SMCO2: variants seen among roughly 807,000 people sequenced by gnomAD.
The protein encoded by SMCO2 is single-pass membrane protein with coiled-coil domains 2.
A neutral mutation model predicts 29.5 loss-of-function variants in SMCO2; 25 were observed. The observed-to-expected ratio is 0.85, with a 90% CI of 0.62 to 1.18. The LOEUF (loss-of-function observed/expected upper bound fraction) is 1.18. SMCO2 is among the 50% of genes most tolerant of loss of function. SMCO2 has a pLI of 0.00. For synonymous variants in SMCO2, 117 were observed against 123.3 expected, an observed-to-expected ratio of 0.95 and a Z score of 0.34; for missense variants, 348 against 344.5, an observed-to-expected ratio of 1.01 and a Z score of -0.08.
the SMCO2 span, chr12:27,424,199 G>T: frequency 9.9e-5 from 15 of 151,982 alleles, no homozygotes; most frequent in Non-Finnish European, 2.2e-4. Flanking sequence ...TATATTAAGT[G>T]GTTATTATTG....
the SMCO2 span, among the ~76,000 whole-genome samples, chr12:27,455,242 T>A: frequency 2.6e-5 from 4 of 152,196 alleles, no homozygotes; most frequent in Admixed American, 2.0e-4. Flanking sequence ...CCAAGTAGCA[T>A]CTATCTATCA....
chr12:27,468,656 G>T (rs306641), intron 1 of SMCO2, among the ~76,000 whole-genome samples: 1 of 152,136 alleles, frequency 6.6e-6, no homozygotes, highest in Non-Finnish European at 1.5e-5. Context: ...ATCAACACAG[G>T]AAGTTCTATT....
chr12:27,464,884 C>CCGGGCGTGGTGG (rs1264903363), upstream of SMCO2, among the ~76,000 whole-genome samples: 1 of 151,080 alleles, frequency 6.6e-6, no homozygotes. Flanking sequence ...AAAAAATTAG[C>CCGGGCGTGGTGG]CGGGCATGGT....
intron 1 of SMCO2, among the ~76,000 whole-genome samples, chr12:27,470,107 T>TATTTCTAA (rs1949528744): frequency 6.6e-6 from 1 of 152,190 alleles, no homozygotes; most frequent in Non-Finnish European, 1.5e-5. Flanking sequence ...ATAACCTAGT[T>TATTTCTAA]GTCAACAATG....
chr12:27,484,990 G>A (rs1949676855), intron 4 of SMCO2, among the ~76,000 whole-genome samples: 1 of 149,544 alleles, frequency 6.7e-6, no homozygotes, highest in African/African-American at 2.4e-5. Flanking sequence ...CAAGTTTGTA[G>A]TTTAAATTTG....
chr12:27,468,171 T>G (rs1291487361), intron 1 of SMCO2, among the ~76,000 whole-genome samples: 1 of 151,308 alleles, frequency 6.6e-6, no homozygotes, highest in Admixed American at 6.6e-5. Context: ...TGCTGGATTA[T>G]GAACTCAGCT....
intron 5 of SMCO2, among the ~76,000 whole-genome samples, chr12:27,491,004 A>T (rs1949730906): frequency 6.6e-6 from 1 of 152,190 alleles, no homozygotes; most frequent in South Asian, 2.1e-4. Context: ...TTGTTACAGA[A>T]GCAAAGTTAG....
intron 4 of SMCO2, among the ~76,000 whole-genome samples, chr12:27,482,945 T>C (rs1252577096): frequency 1.3e-5 from 2 of 152,196 alleles, no homozygotes; most frequent in Non-Finnish European, 2.9e-5. Context: ...CAGGCTAGCC[T>C]TGGACTTCTG....
chr12:27,494,093 CTTG>C (rs1942965376), intron 5 of SMCO2: 1 of 350,238 alleles, frequency 2.9e-6, no homozygotes, highest in Non-Finnish European at 5.2e-6. Context: ...TGAAAATAAT[CTTG>C]TTATGTTAAT....
intron 4 of SMCO2, 57 bp from the exon 5 acceptor site, chr12:27,475,525 T>C: frequency 2.7e-6 from 4 of 1,482,106 alleles, no homozygotes; most frequent in Non-Finnish European, 3.6e-6. Flanking sequence ...CATTTCAGGC[T>C]ATGTGAATTG....
At chr12:27,470,817 C>G in intron 2 of SMCO2, 52 bp downstream of exon 2, 2 of 1,535,382 alleles carry the variant, frequency 1.3e-6, no homozygotes, top group Non-Finnish European at 1.8e-6. Flanking sequence ...CAACTGCAGA[C>G]GTTCTTGGGC....
the SMCO2 span, among the ~76,000 whole-genome samples, chr12:27,427,108 T>C: frequency 2.0e-5 from 3 of 152,180 alleles, no homozygotes; most frequent in East Asian, 1.9e-4. Context: ...TTTAAAGGGA[T>C]GTGCAAAGTG....
chr12:27,460,522 A>G, the SMCO2 span, among the ~76,000 whole-genome samples: 1 of 152,184 alleles, frequency 6.6e-6, no homozygotes, highest in Admixed American at 6.5e-5. Flanking sequence ...TTGGAAGTGA[A>G]TCATAAAGGT....
In SMCO2 at chr12:27,471,514, T is replaced by G. The variant is rs140621472; in HGVS notation, c.134+749T>G. On this transcript the variant is annotated intron_variant, in intron 2 of 7. Coordinates refer to ENST00000298876, the Ensembl canonical transcript of SMCO2. ...ACTTTTATAGACACATATCACACAT[T>G]TATTGTGACCCATTCAAAAGCATAC... Among the ~76,000 whole-genome samples, 6 of 152,240 alleles carry G rather than the reference T, an allele frequency of 3.9e-5. No individual in the cohort carries two copies. In the East Asian group the frequency reaches 9.6e-4, roughly 24 times the overall value.
At chr12:27,444,736 T>TGGGAGTATAAGTTAGTAC in the SMCO2 span, among the ~76,000 whole-genome samples, 1 of 152,196 alleles carries the variant, frequency 6.6e-6, no homozygotes, top group Non-Finnish European at 1.5e-5. Context: ...CCACTATTGC[T>TGGGAGTATAAGTTAGTAC]GGGAGTATAA....
chr12:27,438,644 C>T, the SMCO2 span, among the ~76,000 whole-genome samples: 1 of 152,212 alleles, frequency 6.6e-6, no homozygotes, highest in Non-Finnish European at 1.5e-5. Context: ...ATTCAACAAA[C>T]ATTCATCTAT....
At chr12:27,452,676 T>C in the SMCO2 span, among the ~76,000 whole-genome samples, 4 of 152,258 alleles carry the variant, frequency 2.6e-5, no homozygotes, top group East Asian at 7.7e-4. Context: ...TTTTGTAGAA[T>C]AGGATCTGAC....
the SMCO2 span, among the ~76,000 whole-genome samples, chr12:27,425,534 C>G: frequency 6.6e-6 from 1 of 152,320 alleles, no homozygotes; most frequent in East Asian, 1.9e-4. Flanking sequence ...TCTCCTCCTC[C>G]CTTTCTGCCT....
the SMCO2 span, among the ~76,000 whole-genome samples, chr12:27,437,578 G>A: frequency 6.6e-5 from 10 of 152,084 alleles, no homozygotes; most frequent in Middle Eastern, 3.4e-3. Flanking sequence ...TATTTCACTC[G>A]ATTTTATTTT....
Sources: gnomAD v4.1 joint callset for allele counts (sites outside exome capture counted in the v4.1 genomes callset) on GRCh38, gnomAD v4.1.1 for gene constraint, MANE v1.5 for transcripts, NCBI Gene and HGNC (gene_info 2026-07-23, HGNC 2026-07-21) for gene names.